MPO: variants seen among roughly 807,000 people sequenced by gnomAD.
The protein encoded by MPO is myeloperoxidase.
In MPO, 57 loss-of-function variants were observed where a neutral mutation model predicts 69.4. The observed-to-expected ratio is 0.82, with a 90% CI of 0.66 to 1.02. The LOEUF is 1.02. Ranked by LOEUF, MPO falls within the 50% of genes least tolerant of loss-of-function variation. The pLI is 0.00. For synonymous variants in MPO, 426 were observed against 417.1 expected (o/e 1.02, Z -0.26); for missense variants, 971 against 1,014.1 (o/e 0.96, Z 0.58).
At position 58,280,392 on chromosome 17, in the gene MPO, G is replaced by T; in HGVS notation, c.222C>A (p.Asp74Glu). ...SSMEEAKQLV[D>E]KAYKERRESI... The stretch of plus-strand genomic sequence containing the variant: ...TTTCCCGCCGCTCCTTGTAGGCCTT[G>T]TCCACCAGCTGCTTGGCCTCCTCCA... Residue 74 changes from aspartate (D) to glutamate (E), a missense_variant, in exon 2 of 12, where the codon GAC becomes GAA. Asp to Glu is a conservative substitution (Grantham distance 45). Transcript: ENST00000225275. 6.2e-7 allele frequency: 1 copy of T among 1,614,072 alleles called. No homozygotes were observed. Among genetic ancestry groups the T allele is most frequent in the Admixed American group, 1.7e-5 (1 of 60,020 alleles).
intron 11 of MPO, 29 bp downstream of exon 11, chr17:58,271,626 A>C: frequency 3.1e-6 from 5 of 1,607,124 alleles, no homozygotes; most frequent in Non-Finnish European, 4.3e-6. Context: ...ACAGCCACCC[A>C]GCGGCCCACG....
At position 58,279,213 on chromosome 17, in the gene MPO, G is replaced by A; in HGVS notation, c.680C>T (p.Ala227Val). The A allele has an allele frequency of 5.0e-6, 8 of 1,600,546 alleles. No homozygotes were observed. Among genetic ancestry groups the A allele is most frequent in the Non-Finnish European group, 6.8e-6 (8 of 1,173,776 alleles). ...CACGATCTCGTTGGAGACCGCGCGAGCCTGCGGGACACGGAGATCAGCTGG... is the reference window on the plus strand; with the variant it reads ...CACGATCTCGTTGGAGACCGCGCGAACCTGCGGGACACGGAGATCAGCTGG... ...VKRNGFPVAL[A>V]RAVSNEIVRF... is the part of the protein sequence containing the mutation. Residue 227 changes from alanine to valine, a missense_variant and splice_region_variant, in exon 6 of 12, where the codon GCT becomes GTT. Physicochemically the swap from Ala to Val is moderately conservative, Grantham distance 64. Transcript: ENST00000225275.
chr17:58,274,111 C>T (rs895067811), intron 8 of MPO: 2 of 464,874 alleles, frequency 4.3e-6, no homozygotes, highest in Non-Finnish European at 8.7e-6. Flanking sequence ...CAGTGCCCAC[C>T]AAGTGCCTGC....
intron 1 of MPO, 29 bp from the exon 2 acceptor site, chr17:58,280,488 G>C (rs765633190): frequency 6.8e-6 from 11 of 1,613,640 alleles, no homozygotes; most frequent in Non-Finnish European, 2.5e-6. Context: ...ACAAAGTCAG[G>C]AATGGGCCCC....
At chr17:58,279,478 G>A in intron 4 of MPO, 45 bp downstream of exon 4, 1 of 1,612,568 alleles carries the variant, frequency 6.2e-7, no homozygotes, top group Non-Finnish European at 8.5e-7. Context: ...CGTCCGGGAC[G>A]CCTCTCTGAG....
chr17:58,280,333 T>C lies in MPO; in HGVS notation c.248+33A>G, dbSNP rs372277702. On this transcript the variant is annotated intron_variant, in intron 2 of 11. Coordinates refer to ENST00000225275, the MANE Select transcript of MPO (RefSeq NM_000250.2). Reference sequence around the variant, plus strand: ...CTTCTCTGAAAGGCCTGGGACATCCTTGCCCAGAGCTGGGCAGTGCCTCGT... The same window carrying C: ...CTTCTCTGAAAGGCCTGGGACATCCCTGCCCAGAGCTGGGCAGTGCCTCGT... 11 of 1,601,106 alleles carry C rather than the reference T, an allele frequency of 6.9e-6. No individual in the cohort carries two copies. The African/African-American group carries it at 1.5e-4, about 21-fold the overall frequency.
At chr17:58,271,968 G>A (rs1453114075) in intron 10 of MPO, 76 bp from the exon 11 acceptor site, 1 of 1,490,712 alleles carries the variant, frequency 6.7e-7, no homozygotes, top group African/African-American at 1.4e-5. Context: ...GAGACAGCAG[G>A]GAAGATTCAC....
chr17:58,278,751 C>T (rs1970471924), intron 6 of MPO: 1 of 586,072 alleles, frequency 1.7e-6, no homozygotes, highest in South Asian at 2.0e-5. Flanking sequence ...TCCTGTCAGC[C>T]AAGGAGGAAC....
At chr17:58,280,578 A>T in intron 1 of MPO, 27 bp downstream of exon 1, 1 of 1,614,038 alleles carries the variant, frequency 6.2e-7, no homozygotes. Flanking sequence ...CCAACACACC[A>T]TCTTCTCCCA....
intron 9 of MPO, 149 bp from the exon 10 acceptor site, chr17:58,273,067 T>C (rs1442600256): frequency 3.0e-6 from 3 of 983,926 alleles, no homozygotes; most frequent in Non-Finnish European, 4.6e-6. Flanking sequence ...GTGGCCCCAG[T>C]GAGCAGGTCC....
intron 8 of MPO, chr17:58,274,310 C>A: frequency 2.2e-6 from 1 of 449,582 alleles, no homozygotes; most frequent in Non-Finnish European, 4.5e-6. Context: ...CAAAAACTCA[C>A]CCTTAGCACC....
Position 58,270,776 on chromosome 17 carries a change from G to C in MPO, c.2118C>G (p.Asn706Lys). ...QISLPRIICD[N>K]TGITTVSKNN... ...TCTTAGACACGGTGGTGATGCCTGT[G>C]TTGTCGCAGATGATCCGGGGCAATG... The change falls in exon 12 of 12, where the codon AAC (asparagine) becomes AAG (lysine). Residue 706 changes from asparagine to lysine, a missense_variant. Transcript: ENST00000225275. This position sits in a 1 kb window ranked among gnomAD's most constrained non-coding sequence, Gnocchi z 4.1. The C allele has an allele frequency of 6.2e-7, 1 of 1,614,092 alleles. No individual in the cohort carries two copies. Among genetic ancestry groups the C allele is most frequent in the Non-Finnish European group, 8.5e-7 (1 of 1,179,970 alleles).
At position 58,278,002 on chromosome 17, in the gene MPO, G is replaced by A. The variant is rs776941482; in HGVS notation, c.1029C>T (p.Tyr343=). The A allele has an allele frequency of 1.2e-5, 19 of 1,613,844 alleles. No homozygotes were observed. The highest frequency in any genetic ancestry group is 5.3e-5 in the African/African-American group (4 of 75,062). ...LTSFVDASMV[Y]GSEEPLARNL... is the part of the protein sequence containing the mutation. ...TCCTGGCCAGGGGCTCCTCGCTGCC[G>A]TACACCATGCTGGCGTCCACGAAGG... Residue 343 remains tyrosine (Y), a synonymous_variant, in exon 7 of 12, where the codon TAC becomes TAT. Coordinates refer to ENST00000225275, the MANE Select transcript of MPO (RefSeq NM_000250.2).
In MPO at chr17:58,271,704, G is replaced by A. The variant is rs559550378; in HGVS notation, c.1981C>T (p.Leu661Phe). The change falls in exon 11 of 12, where the codon CTC becomes TTC. Residue 661 changes from leucine to phenylalanine, a missense_variant. Coordinates refer to ENST00000225275, the MANE Select transcript of MPO (RefSeq NM_000250.2). The stretch of plus-strand genomic sequence containing the variant: ...AACTGGGTACCGATGATGCAGGCGA[G>A]GAGTGGGCCCACGCGGCCTTTGCGC... ...LKRKGRVGPL[L>F]ACIIGTQFRK... is the part of the protein sequence containing the mutation. 6 of 1,613,960 alleles carry A rather than the reference G, an allele frequency of 3.7e-6. No homozygotes were observed. In the South Asian group the frequency reaches 6.6e-5, roughly 18 times the overall value.
intron 4 of MPO, 32 bp downstream of exon 4, chr17:58,279,491 C>T (rs143508982): frequency 1.2e-6 from 2 of 1,613,026 alleles, no homozygotes; most frequent in Non-Finnish European, 1.7e-6. Flanking sequence ...TCTCTGAGCC[C>T]GGTTCCTGCA....
In MPO at chr17:58,279,182, G is replaced by C; in HGVS notation, c.711C>G (p.Phe237Leu). ...GGTCCGGAGTCAGCTGATCAGTGGG[G>C]AAGCGCACGATCTCGTTGGAGACCG... ...ARAVSNEIVR[F>L]PTDQLTPDQE... is the part of the protein sequence containing the mutation. Residue 237 changes from phenylalanine to leucine, a missense_variant, in exon 6 of 12, where the codon TTC becomes TTG. Transcript: ENST00000225275. 1 of 1,610,258 alleles carries C rather than the reference G, an allele frequency of 6.2e-7. No individual in the cohort carries two copies. The highest frequency in any genetic ancestry group is 8.5e-7 in the Non-Finnish European group (1 of 1,178,416).
Position 58,278,009 on chromosome 17 carries a change from A to C in MPO, c.1022T>G (p.Met341Arg), listed in dbSNP as rs1361605131. 6.2e-7 allele frequency: 1 copy of C among 1,613,944 alleles called. No homozygotes were observed. The highest frequency in any genetic ancestry group is 8.5e-7 in the Non-Finnish European group (1 of 1,180,024). The change falls in exon 7 of 12, where the codon ATG (methionine) becomes AGG (arginine). Residue 341 changes from methionine (M) to arginine (R), a missense_variant. Physicochemically the swap from Met to Arg is moderately conservative, Grantham distance 91 (BLOSUM62 -1). Transcript: ENST00000225275. ...NALTSFVDASMVYGSEEPLAR... is the reference protein window; with the variant it reads ...NALTSFVDASRVYGSEEPLAR... ...CAGGGGCTCCTCGCTGCCGTACACC[A>C]TGCTGGCGTCCACGAAGGAAGTGAG...
At chr17:58,279,699 G>A in intron 3 of MPO, 53 bp from the exon 4 acceptor site, 1 of 1,613,724 alleles carries the variant, frequency 6.2e-7, no homozygotes, top group Non-Finnish European at 8.5e-7. Flanking sequence ...TCCTATCCCA[G>A]GCAACCTGAG....
intron 9 of MPO, among the ~76,000 whole-genome samples, 192 bp from the exon 10 acceptor site, chr17:58,273,110 AGGT>A (rs537308789): frequency 5.3e-4 from 80 of 152,246 alleles, no homozygotes; most frequent in African/African-American, 1.4e-3. Context: ...AGGGACATAT[AGGT>A]CTCAGGAGAT....
Sources: gnomAD v4.1 joint callset for allele counts (sites outside exome capture counted in the v4.1 genomes callset) on GRCh38, gnomAD v4.1.1 for gene constraint, Gnocchi (gnomAD v3.1) non-coding constraint, MANE v1.5 for transcripts, NCBI Gene and HGNC (gene_info 2026-07-23, HGNC 2026-07-21) for gene names.